NXPH3: variants seen among roughly 807,000 people sequenced by gnomAD.
The protein encoded by NXPH3 is neurexophilin-3.
NXPH3 carries 7 observed loss-of-function variants against 18.8 expected under a neutral mutation model. The observed-to-expected ratio is 0.37, with a 90% CI of 0.21 to 0.70. The LOEUF (loss-of-function observed/expected upper bound fraction) is 0.70, where lower values mean the gene tolerates loss of function less well. Ranked by LOEUF, NXPH3 falls within the 30% of genes least tolerant of loss-of-function variation. The probability of loss-of-function intolerance (pLI) is 0.53; values close to 1 mark genes in which losing one functional copy is unlikely to be tolerated. For synonymous variants in NXPH3, 101 were observed against 137.3 expected, an observed-to-expected ratio of 0.74 and a Z score of 1.85; for missense variants, 282 against 338.1, an observed-to-expected ratio of 0.83 and a Z score of 1.30.
rs1260507296 is a variant in NXPH3 at position 49,579,261 on chromosome 17, C to T, written c.720C>T (p.Tyr240=). ...YRLVQKVCPD[Y]NYHSDTPYYP... ...TGGTCCAGAAGGTGTGCCCAGATTA[C>T]AACTACCATAGTGATACCCCCTACT... Residue 240 remains tyrosine (Y), a synonymous_variant, in exon 2 of 2, where the codon TAC becomes TAT. Coordinates refer to ENST00000328741, the MANE Select transcript of NXPH3 (RefSeq NM_007225.4). This position sits in a 1 kb window ranked among gnomAD's most constrained non-coding sequence, Gnocchi z 6.0. 1 of 1,600,246 alleles carries T rather than the reference C, an allele frequency of 6.2e-7. No homozygotes were observed. The highest frequency in any genetic ancestry group is 1.3e-5 in the African/African-American group (1 of 75,036).
In NXPH3 at chr17:49,578,559, G is replaced by T. The variant is rs774049528; in HGVS notation, c.55-37G>T. The T allele has an allele frequency of 6.7e-7, 1 of 1,488,558 alleles. No homozygotes were observed. The highest frequency in any genetic ancestry group is 9.0e-7 in the Non-Finnish European group (1 of 1,111,152). 92.2% of individuals were successfully genotyped at this position (1,488,558 alleles called of 1,614,324 possible). A position where few individuals can be genotyped will look rare whatever the true frequency, so the allele number is the denominator to read the frequency against. On this transcript the variant is annotated intron_variant, in intron 1 of 1. Transcript: ENST00000328741. The surrounding 1 kb of genome is among the most constrained non-coding windows in gnomAD (Gnocchi z 4.5). ...GTAGCGGGGGTGGTGGACCTCCAGG[G>T]ACAGGGCTCTCACTGTACTCACAAC... is the stretch of plus-strand genomic sequence containing the variant.
In NXPH3 at chr17:49,581,999, C is replaced by T. The variant is rs2071603165; in HGVS notation, c.*2699C>T. ...CTTCCCCAGTAGCCTGGCTGCTCTC[C>T]TCAGCTAGGACTTCGCTAACAGATT... On this transcript the variant is annotated 3_prime_UTR_variant, in exon 2 of 2. Transcript: ENST00000328741. The T allele has an allele frequency of 5.0e-6, 3 of 595,630 alleles. No homozygotes were observed. Among genetic ancestry groups the T allele is most frequent in the African/African-American group, 3.7e-5 (2 of 53,780 alleles). 36.9% of individuals were successfully genotyped at this position (595,630 alleles called of 1,614,324 possible).
At position 49,579,303 on chromosome 17, in the gene NXPH3, CG is replaced by C; in HGVS notation, c.*7del. The C allele has an allele frequency of 6.3e-7, 1 of 1,592,090 alleles. No individual in the cohort carries two copies. The highest frequency in any genetic ancestry group is 8.5e-7 in the Non-Finnish European group (1 of 1,174,926). ...CCCCCTACTACCCATCTGGGTGACCCGGGGCAGGCCACAGAGGCCAGGCCAG... is the reference window on the plus strand; with the variant it reads ...CCCCCTACTACCCATCTGGGTGACCCGGGCAGGCCACAGAGGCCAGGCCAG... On this transcript the variant is annotated 3_prime_UTR_variant, in exon 2 of 2. Coordinates refer to ENST00000328741, the MANE Select transcript of NXPH3 (RefSeq NM_007225.4). The surrounding 1 kb of genome is among the most constrained non-coding windows in gnomAD (Gnocchi z 6.0).
At position 49,578,784 on chromosome 17, in the gene NXPH3, G is replaced by T. The variant is rs773127164; in HGVS notation, c.243G>T (p.Gln81His). ...GGGAGGCTTGGGGCATTCTTGGGCA[G>T]CCCCCCAACCGCCCGAACCACAGCC... The part of the protein sequence containing the change: ...PPGEAWGILG[Q>H]PPNRPNHSPP... The change falls in exon 2 of 2, where the codon CAG (glutamine) becomes CAT (histidine). Residue 81 changes from glutamine (Q) to histidine (H), a missense_variant. Physicochemically the swap from Gln to His is conservative, Grantham distance 24. Transcript: ENST00000328741. The surrounding 1 kb of genome is among the most constrained non-coding windows in gnomAD (Gnocchi z 4.5). 6.2e-7 allele frequency: 1 copy of T among 1,613,608 alleles called. No homozygotes were observed. Among genetic ancestry groups the T allele is most frequent in the Non-Finnish European group, 8.5e-7 (1 of 1,179,956 alleles).
In NXPH3 at chr17:49,579,449, G is replaced by C; in HGVS notation, c.*149G>C. On this transcript the variant is annotated 3_prime_UTR_variant, in exon 2 of 2. Coordinates refer to ENST00000328741, the MANE Select transcript of NXPH3 (RefSeq NM_007225.4). The surrounding 1 kb of genome is among the most constrained non-coding windows in gnomAD (Gnocchi z 6.0). Reference sequence around the variant, plus strand: ...AGATGCCAAGTGGGGCCAGGGCCAAGTCTCAAGTGGCAGAGAAAGGGTCCC... The same window carrying C: ...AGATGCCAAGTGGGGCCAGGGCCAACTCTCAAGTGGCAGAGAAAGGGTCCC... The C allele has an allele frequency of 1.5e-6, 1 of 672,488 alleles. No individual in the cohort carries two copies. Among genetic ancestry groups the C allele is most frequent in the African/African-American group, 1.8e-5 (1 of 55,242 alleles). 41.7% of individuals were successfully genotyped at this position (672,488 alleles called of 1,614,324 possible).
intron 1 of NXPH3, among the ~76,000 whole-genome samples, chr17:49,577,544 T>G (rs547649226): frequency 6.6e-6 from 1 of 152,182 alleles, no homozygotes; most frequent in Non-Finnish European, 1.5e-5. Flanking sequence ...CTCCCAGGTG[T>G]GGGTTGTCAC....
At position 49,583,800 on chromosome 17, in the gene NXPH3, T is replaced by G. The variant is rs894818802; in HGVS notation, c.*4500T>G. The G allele has an allele frequency of 3.3e-5, 5 of 152,156 alleles. No individual in the cohort carries two copies. The highest frequency in any genetic ancestry group is 9.7e-5 in the African/African-American group (4 of 41,422). 9.4% of individuals were successfully genotyped at this position (152,156 alleles called of 1,614,324 possible). ...GTATTGTTAGGAAAATTAAATGAGT[T>G]GCTCAATAAATGTTACTTCCTCCTG... On this transcript the variant is annotated 3_prime_UTR_variant, in exon 2 of 2. Transcript: ENST00000328741.
rs1415060750 is a variant in NXPH3, at chr17:49,582,290, A to T, written c.*2990A>T. On this transcript the variant is annotated 3_prime_UTR_variant, in exon 2 of 2. Transcript: ENST00000328741. ...AGAAACCTGTCCCCACTCTGCCCAG[A>T]CCCCAAAGGGCCAGGTCCTACTCAC... 3 of 191,054 alleles carry T rather than the reference A, an allele frequency of 1.6e-5. No individual in the cohort carries two copies. The highest frequency in any genetic ancestry group is 3.2e-5 in the Non-Finnish European group (3 of 93,498). The allele number at this position is 191,054 out of a possible 1,614,324, so 11.8% of individuals were successfully genotyped here.
At position 49,575,945 on chromosome 17, in the gene NXPH3, G is replaced by A; in HGVS notation, c.-275G>A. The stretch of plus-strand genomic sequence containing the variant: ...CGCAGATCTGGAGCAGCAGAGCCAC[G>A]GCGCAGCTGGGGCCCTTCGAGGCGC... On this transcript the variant is annotated 5_prime_UTR_variant, in exon 1 of 2. Coordinates refer to ENST00000328741, the MANE Select transcript of NXPH3 (RefSeq NM_007225.4). This position sits in a 1 kb window ranked among gnomAD's most constrained non-coding sequence, Gnocchi z 4.3. The A allele has an allele frequency of 2.4e-6, 1 of 410,360 alleles. No individual in the cohort carries two copies. Among genetic ancestry groups the A allele is most frequent in the East Asian group, 4.3e-5 (1 of 23,190 alleles). 25.4% of individuals were successfully genotyped at this position (410,360 alleles called of 1,614,324 possible).
At position 49,578,160 on chromosome 17, in the gene NXPH3, C is replaced by T. The variant is rs1673595644; in HGVS notation, c.55-436C>T. ...CTCCCCCATCAGCCTGGGGATTTCA[C>T]AGAGGCAGGGATTCTACTTCCTATC... On this transcript the variant is annotated intron_variant, in intron 1 of 1. Transcript: ENST00000328741. This position sits in a 1 kb window ranked among gnomAD's most constrained non-coding sequence, Gnocchi z 4.5. Among the ~76,000 whole-genome samples, 1 of 152,104 alleles carries T rather than the reference C, an allele frequency of 6.6e-6. No individual in the cohort carries two copies. Among genetic ancestry groups the T allele is most frequent in the South Asian group, 2.1e-4 (1 of 4,832 alleles).
chr17:49,581,664 C>G lies in NXPH3; in HGVS notation c.*2364C>G, dbSNP rs113690305. The G allele has an allele frequency of 1.1e-4, 74 of 702,586 alleles. No individual in the cohort carries two copies. The highest frequency in any genetic ancestry group is 8.5e-4 in the African/African-American group (49 of 57,378). 43.5% of individuals were successfully genotyped at this position (702,586 alleles called of 1,614,324 possible). On this transcript the variant is annotated 3_prime_UTR_variant, in exon 2 of 2. Transcript: ENST00000328741. ...CTTGAGACTGCTGGCACTGGAGCAG[C>G]CCACCAATGGACACCCACCGTGTGC...
intron 1 of NXPH3, chr17:49,577,858 G>C (rs549314070): frequency 6.6e-6 from 1 of 152,348 alleles, no homozygotes; most frequent in South Asian, 2.1e-4. Flanking sequence ...TCCTGGGTGT[G>C]GCATTCACTC....
chr17:49,578,516 G>C lies in NXPH3; in HGVS notation c.55-80G>C. On this transcript the variant is annotated intron_variant, in intron 1 of 1. Transcript: ENST00000328741. This position sits in a 1 kb window ranked among gnomAD's most constrained non-coding sequence, Gnocchi z 4.5. ...TCACCCAGGTCAGAGTGAAGTGGCA[G>C]GGACAGGGGTACTGCTGGTAGCGGG... 1.7e-6 allele frequency: 2 copies of C among 1,152,356 alleles called. No homozygotes were observed. 71.4% of individuals were successfully genotyped at this position (1,152,356 alleles called of 1,614,324 possible).
In NXPH3 at chr17:49,579,420, G is replaced by T; in HGVS notation, c.*120G>T. ...CTCAGGCAGGGAGGGGGGTGGAGAC[G>T]AGGAGATGCCAAGTGGGGCCAGGGC... On this transcript the variant is annotated 3_prime_UTR_variant, in exon 2 of 2. Transcript: ENST00000328741. The surrounding 1 kb of genome is among the most constrained non-coding windows in gnomAD (Gnocchi z 6.0). The T allele has an allele frequency of 1.2e-6, 1 of 853,046 alleles. No homozygotes were observed. Among genetic ancestry groups the T allele is most frequent in the Non-Finnish European group, 1.8e-6 (1 of 560,322 alleles). The allele number at this position is 853,046 out of a possible 1,614,324, so 52.8% of individuals were successfully genotyped here.
rs760932473 is a variant in NXPH3 at position 49,579,036 on chromosome 17, C to G, written c.495C>G (p.Ile165Met). 6.2e-7 allele frequency: 1 copy of G among 1,614,150 alleles called. No individual in the cohort carries two copies. Among genetic ancestry groups the G allele is most frequent in the Non-Finnish European group, 8.5e-7 (1 of 1,180,050 alleles). Residue 165 changes from isoleucine (I) to methionine (M), a missense_variant, in exon 2 of 2, where the codon ATC becomes ATG. By Grantham distance (10) the Ile-to-Met change is conservative. Coordinates refer to ENST00000328741, the MANE Select transcript of NXPH3 (RefSeq NM_007225.4). This position sits in a 1 kb window ranked among gnomAD's most constrained non-coding sequence, Gnocchi z 6.0. The part of the protein sequence containing the change: ...VEFHQEQQIF[I>M]EAKASKIFNC... ...TCCACCAGGAACAGCAGATCTTCAT[C>G]GAAGCCAAGGCCTCCAAAATCTTCA... is the stretch of plus-strand genomic sequence containing the variant.
rs1250891222 is a variant in NXPH3, at chr17:49,578,169, G to C, written c.55-427G>C. ...CAGCCTGGGGATTTCACAGAGGCAG[G>C]GATTCTACTTCCTATCAAATTGGGG... On this transcript the variant is annotated intron_variant, in intron 1 of 1. Transcript: ENST00000328741. The surrounding 1 kb of genome is among the most constrained non-coding windows in gnomAD (Gnocchi z 4.5). Among the ~76,000 whole-genome samples, 2 of 152,162 alleles carry C rather than the reference G, an allele frequency of 1.3e-5. No individual in the cohort carries two copies. Among genetic ancestry groups the C allele is most frequent in the South Asian group, 4.1e-4 (2 of 4,832 alleles).
chr17:49,576,370 C>A, intron 1 of NXPH3, 97 bp downstream of exon 1: 2 of 1,358,092 alleles, frequency 1.5e-6, no homozygotes, highest in South Asian at 1.2e-5. Context: ...TCTCCCTTCC[C>A]CCGACATCCC....
In NXPH3 at chr17:49,579,140, C is replaced by T. The variant is rs1458184944; in HGVS notation, c.599C>T (p.Ser200Phe). 1 of 1,613,870 alleles carries T rather than the reference C, an allele frequency of 6.2e-7. No individual in the cohort carries two copies. The highest frequency in any genetic ancestry group is 8.5e-7 in the Non-Finnish European group (1 of 1,180,040). Residue 200 changes from serine to phenylalanine, a missense_variant, in exon 2 of 2, where the codon TCC becomes TTC. Coordinates refer to ENST00000328741, the MANE Select transcript of NXPH3 (RefSeq NM_007225.4). The surrounding 1 kb of genome is among the most constrained non-coding windows in gnomAD (Gnocchi z 6.0). Reference sequence around the variant, plus strand: ...ACCCACGACCCAGCCAAGATCTGCTCCCGAGACCACGCTCAGAGCTCAGCC... The same window carrying T: ...ACCCACGACCCAGCCAAGATCTGCTTCCGAGACCACGCTCAGAGCTCAGCC... ...LCTHDPAKIC[S>F]RDHAQSSATW...
chr17:49,578,709 G>T lies in NXPH3; in HGVS notation c.168G>T (p.Lys56Asn). ...VPRKRGHISPKSRPMANSTLL... is the reference protein window; with the variant it reads ...VPRKRGHISPNSRPMANSTLL... ...GGAAGCGGGGCCACATCTCACCTAA[G>T]TCCCGCCCCATGGCCAATTCCACTC... The change falls in exon 2 of 2, where the codon AAG becomes AAT. Residue 56 changes from lysine to asparagine, a missense_variant. Transcript: ENST00000328741. This position sits in a 1 kb window ranked among gnomAD's most constrained non-coding sequence, Gnocchi z 4.5. 1 of 1,613,312 alleles carries T rather than the reference G, an allele frequency of 6.2e-7. No homozygotes were observed.
Sources: gnomAD v4.1 joint callset for allele counts (sites outside exome capture counted in the v4.1 genomes callset) on GRCh38, gnomAD v4.1.1 for gene constraint, Gnocchi (gnomAD v3.1) non-coding constraint, MANE v1.5 for transcripts, NCBI Gene and HGNC (gene_info 2026-07-23, HGNC 2026-07-21) for gene names.